MRE11: variants seen among roughly 807,000 people sequenced by gnomAD.
MRE11 encodes the protein double-strand break repair protein MRE11.
MRE11 carries 62 observed loss-of-function variants against 91.7 expected under a neutral mutation model. The ratio of observed to expected loss-of-function variants is 0.68; its 90% CI spans 0.55 to 0.84. MRE11 has a LOEUF of 0.84. Among genes scored for constraint, MRE11 ranks in the 40% least tolerant of loss-of-function variants. The pLI, the probability that MRE11 is intolerant of heterozygous loss-of-function variation, is 0.00. For synonymous variants in MRE11, 273 were observed against 271.4 expected (o/e 1.01, Z -0.06); for missense variants, 796 against 852.9 (o/e 0.93, Z 0.83).
chr11:94,439,022 A>G (rs1591644998), intron 16 of MRE11, among the ~76,000 whole-genome samples: 1 of 152,232 alleles, frequency 6.6e-6, no homozygotes, highest in Non-Finnish European at 1.5e-5. Flanking sequence ...ACTAACTTCA[A>G]TGGAAAAATC....
the MRE11 span, among the ~76,000 whole-genome samples, chr11:94,506,561 G>T: frequency 2.0e-5 from 3 of 148,618 alleles, no homozygotes; most frequent in Admixed American, 6.7e-5. Context: ...TGGTAATGAA[G>T]AAAAAAGAGG....
chr11:94,466,658 G>A, intron 10 of MRE11: 1 of 319,444 alleles, frequency 3.1e-6, no homozygotes, highest in Non-Finnish European at 6.7e-6. Context: ...CAGGAAGTCT[G>A]GCTCTACACT....
rs1591633964 is a variant in MRE11, at chr11:94,429,960, A to T, written c.2021T>A (p.Ile674Asn). 9.9e-6 allele frequency: 16 copies of T among 1,614,114 alleles called. No individual in the cohort carries two copies. The highest frequency in any genetic ancestry group is 1.3e-5 in the African/African-American group (1 of 75,062). Residue 674 changes from isoleucine to asparagine, a missense_variant, in exon 19 of 20, where the codon ATC becomes AAC. By Grantham distance (149) the Ile-to-Asn change is moderately radical. Transcript: ENST00000323929. ...QRWSSTSSSK[I>N]MSQSQVSKGV... The stretch of plus-strand genomic sequence containing the variant: ...TTTCGATACTTGACTCTGGGACATG[A>T]TTTTGCTGGATGATGTGCTGGACCA...
intron 4 of MRE11, among the ~76,000 whole-genome samples, chr11:94,483,992 A>G (rs1947075686): frequency 6.6e-6 from 1 of 152,216 alleles, no homozygotes; most frequent in South Asian, 2.1e-4. Flanking sequence ...TGTAACATCC[A>G]GATCTTGGTT....
intron 17 of MRE11, among the ~76,000 whole-genome samples, chr11:94,436,929 T>C (rs1222321663): frequency 6.6e-6 from 1 of 152,116 alleles, no homozygotes; most frequent in East Asian, 1.9e-4. Context: ...AACACTGTTA[T>C]CCTTGAAAAC....
chr11:94,486,839 A>G (rs182980820), intron 3 of MRE11, among the ~76,000 whole-genome samples: 1 of 152,334 alleles, frequency 6.6e-6, no homozygotes, highest in East Asian at 1.9e-4. Flanking sequence ...TTCTAGGAAT[A>G]ACTTCAGTGA....
At chr11:94,464,385 C>A in intron 10 of MRE11, 146 bp from the exon 11 acceptor site, 1 of 1,109,360 alleles carries the variant, frequency 9.0e-7, no homozygotes, top group Non-Finnish European at 1.3e-6. Flanking sequence ...CATGATGGAG[C>A]TATATCATTT....
chr11:94,472,395 T>A (rs906440929), intron 7 of MRE11, among the ~76,000 whole-genome samples: 1 of 152,106 alleles, frequency 6.6e-6, no homozygotes, highest in African/African-American at 2.4e-5. Flanking sequence ...CAAGTAAAAG[T>A]GTTCACATAG....
chr11:94,447,103 T>C lies in MRE11; in HGVS notation c.1783+116A>G, dbSNP rs186086150. On this transcript the variant is annotated intron_variant, in intron 15 of 19. Coordinates refer to ENST00000323929, the MANE Select transcript of MRE11 (RefSeq NM_005591.4). ...CTTTATATATTATAAAAATAGATTT[T>C]TAAAGAACCGTGTTTTAGAAATAAA... The C allele has an allele frequency of 8.1e-4, 894 of 1,110,414 alleles. 9 individuals are homozygous for C. In the African/African-American group the frequency reaches 0.013, roughly 16 times the overall value. 68.8% of individuals were successfully genotyped at this position (1,110,414 alleles called of 1,614,324 possible). A position where few individuals can be genotyped will look rare whatever the true frequency, so the allele number is the denominator to read the frequency against.
chr11:94,483,835 C>T (rs1323301411), intron 4 of MRE11: 1 of 151,878 alleles, frequency 6.6e-6, no homozygotes, highest in Non-Finnish European at 1.5e-5. Flanking sequence ...AGAGCCAGAC[C>T]CTGTCTCAAA....
chr11:94,425,358 A>G (rs751290542), intron 19 of MRE11, among the ~76,000 whole-genome samples: 2 of 152,232 alleles, frequency 1.3e-5, no homozygotes, highest in African/African-American at 2.4e-5. Flanking sequence ...AGTGCTAAAC[A>G]TGGAAACAAA....
intron 14 of MRE11, among the ~76,000 whole-genome samples, chr11:94,455,711 T>G (rs1332432477): frequency 6.6e-6 from 1 of 152,174 alleles, no homozygotes; most frequent in East Asian, 1.9e-4. Context: ...CATGCTTGCT[T>G]ACTTATGGTT....
chr11:94,505,372 C>T, the MRE11 span, among the ~76,000 whole-genome samples: 5 of 152,132 alleles, frequency 3.3e-5, no homozygotes, highest in African/African-American at 1.2e-4. Flanking sequence ...AGACAGTGAT[C>T]GTGATGACCC....
At chr11:94,420,987 G>A (rs370657488) in intron 19 of MRE11, among the ~76,000 whole-genome samples, 8 of 151,488 alleles carry the variant, frequency 5.3e-5, no homozygotes, top group East Asian at 2.0e-4. Flanking sequence ...AGCTGAGATC[G>A]TGCCACTGCA....
chr11:94,458,570 C>A (rs1946325286), intron 13 of MRE11, among the ~76,000 whole-genome samples: 1 of 152,106 alleles, frequency 6.6e-6, no homozygotes, highest in African/African-American at 2.4e-5. Context: ...CAAATCTCTA[C>A]CTCACTATTT....
intron 16 of MRE11, among the ~76,000 whole-genome samples, chr11:94,442,386 C>A (rs1459310767): frequency 3.3e-5 from 5 of 152,010 alleles, no homozygotes; most frequent in Non-Finnish European, 7.4e-5. Context: ...AAAGACGACT[C>A]ATTTTAAGTG....
At chr11:94,420,842 C>G (rs1183363106) in intron 19 of MRE11, among the ~76,000 whole-genome samples, 5 of 152,140 alleles carry the variant, frequency 3.3e-5, no homozygotes, top group Admixed American at 3.3e-4. Context: ...ACCATCCTGG[C>G]TAGCACGGTG....
In MRE11 at chr11:94,464,257, T is replaced by A. The variant is rs768700259; in HGVS notation, c.1099-18A>T. 1.2e-6 allele frequency: 2 copies of A among 1,613,566 alleles called. No homozygotes were observed. Among genetic ancestry groups the A allele is most frequent in the African/African-American group, 2.7e-5 (2 of 74,898 alleles). On this transcript the variant is annotated intron_variant, in intron 10 of 19. Coordinates refer to ENST00000323929, the MANE Select transcript of MRE11 (RefSeq NM_005591.4). The stretch of plus-strand genomic sequence containing the variant: ...TAGTCCACCTGAAAACACAGAATAA[T>A]CTATGAACGCTAGGAAACAACAATT...
intron 16 of MRE11, among the ~76,000 whole-genome samples, chr11:94,445,466 C>A (rs888749898): frequency 2.0e-5 from 3 of 152,110 alleles, no homozygotes; most frequent in Non-Finnish European, 4.4e-5. Context: ...TGTGCCACCA[C>A]GCCTGGCTGA....
Sources: gnomAD v4.1 joint callset for allele counts (sites outside exome capture counted in the v4.1 genomes callset) on GRCh38, gnomAD v4.1.1 for gene constraint, MANE v1.5 for transcripts, NCBI Gene and HGNC (gene_info 2026-07-23, HGNC 2026-07-21) for gene names.